The following ERI3 variants were observed in gnomAD, a reference collection of about 807,000 sequenced individuals.
ERI3 encodes ERI1 exoribonuclease family member 3, also known as ERI1 exoribonuclease 3.
ERI3 carries 18 observed loss-of-function variants against 44.4 expected under a neutral mutation model. The ratio of observed to expected loss-of-function variants is 0.41; its 90% CI spans 0.28 to 0.60. ERI3 has a LOEUF of 0.60. Among genes scored for constraint, ERI3 ranks in the 20% least tolerant of loss-of-function variants. ERI3 has a pLI of 0.36. For missense variants in ERI3, 294 were observed against 435.5 expected, an observed-to-expected ratio of 0.68 and a Z score of 2.89; for synonymous variants, 183 against 164.8, an observed-to-expected ratio of 1.11 and a Z score of -0.84.
At position 44,339,051 on chromosome 1, in the gene ERI3, A is replaced by G. The variant is rs1193267638; in HGVS notation, c.483T>C (p.His161=). ...FEATCDKPQI[H]PQEIIEFPIL... is the part of the protein sequence containing the mutation. ...GCAATGATGGAACAGTTACCTGAGGATGAATCTGTGGCTTGTCGCACGTGG... is the reference window on the plus strand; with the variant it reads ...GCAATGATGGAACAGTTACCTGAGGGTGAATCTGTGGCTTGTCGCACGTGG... The change falls in exon 3 of 9, where the codon CAT becomes CAC. Residue 161 remains histidine, a synonymous_variant. Transcript: ENST00000372257. The G allele has an allele frequency of 6.2e-7, 1 of 1,610,300 alleles. No individual in the cohort carries two copies. The highest frequency in any genetic ancestry group is 8.5e-7 in the Non-Finnish European group (1 of 1,177,826).
At chr1:44,267,012 AG>A (rs1423019283) in intron 7 of ERI3, among the ~76,000 whole-genome samples, 1 of 152,218 alleles carries the variant, frequency 6.6e-6, no homozygotes, top group Non-Finnish European at 1.5e-5. Flanking sequence ...AGGCTTCAAT[AG>A]AGCAATAGGA....
intron 7 of ERI3, among the ~76,000 whole-genome samples, chr1:44,279,138 C>A (rs562720958): frequency 1.3e-5 from 2 of 152,100 alleles, no homozygotes; most frequent in East Asian, 3.9e-4. Context: ...AGTGTTCTAT[C>A]CTAGGCTTTC....
At position 44,313,182 on chromosome 1, in the gene ERI3, T is replaced by G; in HGVS notation, c.653A>C (p.Gln218Pro). 6.2e-7 allele frequency: 1 copy of G among 1,614,192 alleles called. No individual in the cohort carries two copies. Among genetic ancestry groups the G allele is most frequent in the South Asian group, 1.1e-5 (1 of 91,080 alleles). ...CACTCAACCTACCTCCAGCACTTGC[T>G]GCAGGCTTGGCTGACCATCCACCAT... Reference protein sequence around the residue: ...QAMVDGQPSLQQVLERVDEWM... With the variant: ...QAMVDGQPSLPQVLERVDEWM... The change falls in exon 5 of 9, where the codon CAG becomes CCG. Residue 218 changes from glutamine (Q) to proline (P), a missense_variant. Gln to Pro is a moderately conservative substitution (Grantham distance 76, BLOSUM62 -1). Around this residue, in one of 2 missense-constraint regions of ERI3, gnomAD observed 187 missense variants for 338.6 expected, o/e 0.55. Coordinates refer to ENST00000372257, the MANE Select transcript of ERI3 (RefSeq NM_024066.3).
chr1:44,310,623 T>C (rs1645934589), intron 5 of ERI3, among the ~76,000 whole-genome samples: 1 of 152,166 alleles, frequency 6.6e-6, no homozygotes, highest in Non-Finnish European at 1.5e-5. Flanking sequence ...TATCTTTAAG[T>C]ATCTTAAGTA....
intron 8 of ERI3, among the ~76,000 whole-genome samples, chr1:44,225,226 C>A (rs1049695111): frequency 6.6e-6 from 1 of 152,136 alleles, no homozygotes; most frequent in South Asian, 2.1e-4. Context: ...CTTGCACCCA[C>A]AATAGAGGCC....
At chr1:44,246,471 G>A (rs1481365551) in intron 8 of ERI3, among the ~76,000 whole-genome samples, 1 of 152,346 alleles carries the variant, frequency 6.6e-6, no homozygotes, top group South Asian at 2.1e-4. Flanking sequence ...GGGAACAGCA[G>A]TTATGGTGGA....
chr1:44,273,959 T>C (rs1405898819), intron 7 of ERI3, among the ~76,000 whole-genome samples: 2 of 152,150 alleles, frequency 1.3e-5, no homozygotes, highest in East Asian at 3.9e-4. Context: ...AGCTGGATCA[T>C]CCAGGGCCTT....
At chr1:44,305,820 T>A (rs1227660211) in intron 6 of ERI3, among the ~76,000 whole-genome samples, 23 of 152,102 alleles carry the variant, frequency 1.5e-4, no homozygotes, top group Admixed American at 1.5e-3. Flanking sequence ...GAGTGTGAAA[T>A]GAAAATGTTT....
intron 8 of ERI3, among the ~76,000 whole-genome samples, chr1:44,245,856 G>C (rs1644545154): frequency 6.6e-6 from 1 of 152,168 alleles, no homozygotes; most frequent in Non-Finnish European, 1.5e-5. Flanking sequence ...CTAGCCCCCA[G>C]CCAGTTCTTC....
chr1:44,303,189 T>C (rs1645762515), intron 6 of ERI3, among the ~76,000 whole-genome samples: 1 of 152,210 alleles, frequency 6.6e-6, no homozygotes, highest in South Asian at 2.1e-4. Context: ...CTGTGGGCTA[T>C]CTCACCCAGT....
intron 7 of ERI3, among the ~76,000 whole-genome samples, chr1:44,259,900 T>TAGAC (rs1644857536): frequency 1.4e-5 from 2 of 147,920 alleles, no homozygotes; most frequent in East Asian, 2.0e-4. Context: ...GATAGATAGA[T>TAGAC]AGATAGATAG....
At chr1:44,245,424 G>A (rs1020715995) in intron 8 of ERI3, among the ~76,000 whole-genome samples, 2 of 152,138 alleles carry the variant, frequency 1.3e-5, no homozygotes, top group African/African-American at 4.8e-5. Flanking sequence ...AACAGAGTAG[G>A]GAGCCCCTTC....
intron 6 of ERI3, among the ~76,000 whole-genome samples, chr1:44,294,856 C>T (rs931912884): frequency 5.3e-5 from 8 of 152,234 alleles, no homozygotes; most frequent in Admixed American, 5.2e-4. Context: ...GGCCTGTGGC[C>T]ATCTTGACCC....
intron 6 of ERI3, among the ~76,000 whole-genome samples, chr1:44,302,663 C>T (rs1645751042): frequency 6.6e-6 from 1 of 152,170 alleles, no homozygotes; most frequent in Admixed American, 6.5e-5. Flanking sequence ...CTTAACAGTC[C>T]ACACCTCTAC....
At chr1:44,329,108 A>G (rs1427113603) in intron 3 of ERI3, among the ~76,000 whole-genome samples, 1 of 152,200 alleles carries the variant, frequency 6.6e-6, no homozygotes, top group Non-Finnish European at 1.5e-5. Flanking sequence ...CCCTCCAGAA[A>G]AAAACCTTCC....
At chr1:44,248,087 C>A (rs1467923702) in intron 7 of ERI3, 49 bp from the exon 8 acceptor site, 5 of 1,339,784 alleles carry the variant, frequency 3.7e-6, no homozygotes, top group Non-Finnish European at 5.2e-6. Context: ...CCCTCTGAAC[C>A]AACCCCACTC....
At chr1:44,328,479 T>C (rs542163050) in intron 3 of ERI3, among the ~76,000 whole-genome samples, 2 of 152,220 alleles carry the variant, frequency 1.3e-5, no homozygotes, top group East Asian at 1.9e-4. Flanking sequence ...CAGGTGACTC[T>C]GACGCTCGCT....
intron 7 of ERI3, among the ~76,000 whole-genome samples, chr1:44,260,200 G>C (rs907317283): frequency 2.0e-5 from 3 of 152,230 alleles, no homozygotes; most frequent in South Asian, 4.1e-4. Flanking sequence ...AACAGACACA[G>C]AAACCAGTAA....
intron 4 of ERI3, 62 bp from the exon 5 acceptor site, chr1:44,313,290 C>T: frequency 6.7e-7 from 1 of 1,482,518 alleles, no homozygotes; most frequent in Non-Finnish European, 9.4e-7. Flanking sequence ...CAAGGCTGAA[C>T]AGGACCCCTT....
Sources: gnomAD v4.1 joint callset for allele counts (sites outside exome capture counted in the v4.1 genomes callset) on GRCh38, gnomAD v4.1.1 for gene constraint, gnomAD v4.1.1 regional missense constraint, MANE v1.5 for transcripts, NCBI Gene and HGNC (gene_info 2026-07-23, HGNC 2026-07-21) for gene names.